NCAM2: variants seen among roughly 807,000 people sequenced by gnomAD.
The protein encoded by NCAM2 is neural cell adhesion molecule 2, also known as N-CAM-2.
NCAM2 carries 30 observed loss-of-function variants against 98.1 expected under a neutral mutation model. The observed-to-expected ratio is 0.31, with a 90% confidence interval of 0.23 to 0.41. The LOEUF (loss-of-function observed/expected upper bound fraction) is 0.41, where lower values mean the gene tolerates loss of function less well. Among genes scored for constraint, NCAM2 ranks in the 10% least tolerant of loss-of-function variants. NCAM2 has a pLI of 1.00. For synonymous variants in NCAM2, 368 were observed against 342.4 expected, an observed-to-expected ratio of 1.07 and a Z score of -0.83; for missense variants, 867 against 1,005.8, an observed-to-expected ratio of 0.86 and a Z score of 1.87.
chr21:21,409,666 T>C (rs1326573760), intron 9 of NCAM2, among the ~76,000 whole-genome samples: 2 of 152,224 alleles, frequency 1.3e-5, no homozygotes, highest in Non-Finnish European at 2.9e-5. Context: ...CAATATGTAT[T>C]TTTTGTCAGA....
chr21:21,432,879 A>C (rs543881788), intron 12 of NCAM2, among the ~76,000 whole-genome samples: 1 of 152,310 alleles, frequency 6.6e-6, no homozygotes, highest in South Asian at 2.1e-4. Flanking sequence ...GGAAATAATA[A>C]GAATTACCAG....
intron 15 of NCAM2, among the ~76,000 whole-genome samples, chr21:21,477,850 C>T (rs558059510): frequency 5.3e-5 from 8 of 152,152 alleles, no homozygotes; most frequent in South Asian, 4.2e-4. Flanking sequence ...TAGATTTGAC[C>T]GAAGGTAATG....
intron 1 of NCAM2, among the ~76,000 whole-genome samples, chr21:21,007,861 C>T (rs184675033): frequency 1.7e-3 from 263 of 152,190 alleles, no homozygotes; most frequent in Non-Finnish European, 3.0e-3. Context: ...AATGCAGTCC[C>T]GTAGGTCTTG....
intron 12 of NCAM2, among the ~76,000 whole-genome samples, chr21:21,453,906 G>T (rs1046754043): frequency 6.6e-6 from 1 of 151,926 alleles, no homozygotes; most frequent in Non-Finnish European, 1.5e-5. Flanking sequence ...TCTTTCTTCG[G>T]TATGGTGTTT....
At chr21:21,026,726 A>G (rs1287326771) in intron 1 of NCAM2, among the ~76,000 whole-genome samples, 1 of 152,036 alleles carries the variant, frequency 6.6e-6, no homozygotes, top group African/African-American at 2.4e-5. Flanking sequence ...GTAGTGATGT[A>G]TTTGTGCACT....
At chr21:21,082,722 G>A (rs2065833310) in intron 1 of NCAM2, among the ~76,000 whole-genome samples, 1 of 152,102 alleles carries the variant, frequency 6.6e-6, no homozygotes, top group Non-Finnish European at 1.5e-5. Context: ...TCATCTTTAT[G>A]TCATGTGTTT....
At chr21:21,380,640 G>A (rs968249866) in intron 9 of NCAM2, among the ~76,000 whole-genome samples, 12 of 151,966 alleles carry the variant, frequency 7.9e-5, no homozygotes, top group African/African-American at 2.9e-4. Context: ...GCCTGCAATG[G>A]CAGATCTAGT....
chr21:21,387,458 G>A (rs1052676177), intron 9 of NCAM2, among the ~76,000 whole-genome samples: 2 of 151,896 alleles, frequency 1.3e-5, no homozygotes, highest in South Asian at 2.1e-4. Flanking sequence ...TTTCCACAGC[G>A]TGAGGGGACA....
At chr21:21,176,819 T>C (rs1335397608) in intron 1 of NCAM2, among the ~76,000 whole-genome samples, 2 of 151,964 alleles carry the variant, frequency 1.3e-5, no homozygotes, top group East Asian at 3.9e-4. Context: ...TACTAGAGAA[T>C]TGCTGTACTA....
chr21:21,123,908 A>G (rs1569047430), intron 1 of NCAM2, among the ~76,000 whole-genome samples: 1 of 125,212 alleles, frequency 8.0e-6, no homozygotes, highest in Non-Finnish European at 1.6e-5. Flanking sequence ...GTGCAGTGGC[A>G]TGATCTTGGC....
At chr21:21,459,446 T>C (rs765680410) in intron 12 of NCAM2, among the ~76,000 whole-genome samples, 1 of 148,480 alleles carries the variant, frequency 6.7e-6, no homozygotes, top group Non-Finnish European at 1.5e-5. Flanking sequence ...ATGCCATATT[T>C]ATAATATATA....
intron 12 of NCAM2, among the ~76,000 whole-genome samples, chr21:21,437,679 C>T (rs1411431705): frequency 6.6e-6 from 1 of 152,010 alleles, no homozygotes; most frequent in Non-Finnish European, 1.5e-5. Flanking sequence ...AGAAAACTGC[C>T]ACAATTTATA....
chr21:21,096,109 T>A (rs951863732), intron 1 of NCAM2, among the ~76,000 whole-genome samples: 3 of 151,710 alleles, frequency 2.0e-5, no homozygotes, highest in African/African-American at 7.2e-5. Context: ...CTCTTAACTA[T>A]TATTGTTAAT....
At chr21:21,046,337 A>C (rs6417719) in intron 1 of NCAM2, among the ~76,000 whole-genome samples, 141,744 of 152,164 alleles carry the variant, frequency 0.93, 66,843 homozygotes, top group East Asian at 1. Flanking sequence ...TTAATTTTAA[A>C]AGTGGTTCCT....
intron 3 of NCAM2, among the ~76,000 whole-genome samples, chr21:21,285,419 C>T (rs1212430224): frequency 2.6e-5 from 4 of 151,776 alleles, no homozygotes; most frequent in African/African-American, 4.8e-5. Context: ...GAATTTTTCC[C>T]TCCCATTTGA....
chr21:21,497,613 A>G (rs1987333601), intron 15 of NCAM2, among the ~76,000 whole-genome samples: 1 of 152,196 alleles, frequency 6.6e-6, no homozygotes, highest in African/African-American at 2.4e-5. Context: ...TTACAAAACA[A>G]TTATTTATAC....
intron 1 of NCAM2, among the ~76,000 whole-genome samples, chr21:21,243,473 G>A (rs1244188467): frequency 1.3e-5 from 2 of 152,152 alleles, no homozygotes; most frequent in Non-Finnish European, 2.9e-5. Flanking sequence ...GTACAGACAT[G>A]CTTGGGCTAA....
intron 5 of NCAM2, among the ~76,000 whole-genome samples, chr21:21,310,208 A>T (rs544343358): frequency 1.1e-4 from 16 of 152,252 alleles, no homozygotes; most frequent in African/African-American, 3.9e-4. Context: ...AATTATTTTT[A>T]TTAATTAATT....
In NCAM2 at chr21:21,542,864, T is replaced by C. The variant is rs1030208494; in HGVS notation, c.*4907T>C. 1 of 151,854 alleles carries C rather than the reference T, an allele frequency of 6.6e-6. No individual in the cohort carries two copies. The highest frequency in any genetic ancestry group is 1.5e-5 in the Non-Finnish European group (1 of 67,870). The allele number at this position is 151,854 out of a possible 1,614,324, so 9.4% of individuals were successfully genotyped here. ...ATCTATGATTTAATTTTGCAAATAG[T>C]TTTTTTAGAGAACAACATGCATACT... On this transcript the variant is annotated 3_prime_UTR_variant, in exon 18 of 18. Transcript: ENST00000400546.
Sources: gnomAD v4.1 joint callset for allele counts (sites outside exome capture counted in the v4.1 genomes callset) on GRCh38, gnomAD v4.1.1 for gene constraint, MANE v1.5 for transcripts, NCBI Gene and HGNC (gene_info 2026-07-23, HGNC 2026-07-21) for gene names.